GRID2: variants seen among roughly 807,000 people sequenced by gnomAD.
The protein encoded by GRID2 is glutamate receptor ionotropic, delta-2.
GRID2 carries 33 observed loss-of-function variants against 114.8 expected under a neutral mutation model. The observed-to-expected ratio is 0.29, with a 90% CI of 0.22 to 0.38. The LOEUF is 0.38. Among genes scored for constraint, GRID2 ranks in the 10% least tolerant of loss-of-function variants. The pLI is 1.00. For synonymous variants in GRID2, 505 were observed against 449.9 expected (o/e 1.12, Z -1.55); for missense variants, 1,184 against 1,257.7 (o/e 0.94, Z 0.89).
chr4:92,978,095 T>G (rs1373938654), intron 2 of GRID2, among the ~76,000 whole-genome samples: 1 of 152,110 alleles, frequency 6.6e-6, no homozygotes, highest in East Asian at 1.9e-4. Context: ...CCATAGGTAT[T>G]TTGTAATTAA....
chr4:93,373,113 A>T (rs904967833), intron 8 of GRID2, among the ~76,000 whole-genome samples: 2 of 152,084 alleles, frequency 1.3e-5, no homozygotes, highest in East Asian at 1.9e-4. Flanking sequence ...TACCTCCTTT[A>T]TTCAGTCTTA....
chr4:92,466,016 A>C (rs1446182041), intron 1 of GRID2, among the ~76,000 whole-genome samples: 1 of 151,774 alleles, frequency 6.6e-6, no homozygotes, highest in Non-Finnish European at 1.5e-5. Context: ...TTGACATATA[A>C]TAATTGCACA....
intron 2 of GRID2, among the ~76,000 whole-genome samples, chr4:92,966,299 A>C: frequency 6.6e-6 from 1 of 151,916 alleles, no homozygotes; most frequent in South Asian, 2.1e-4. Context: ...TGGTATGATA[A>C]TACTTGCCAG....
intron 4 of GRID2, among the ~76,000 whole-genome samples, chr4:93,139,695 T>G (rs1006656325): frequency 1.1e-4 from 16 of 151,790 alleles, no homozygotes; most frequent in African/African-American, 3.4e-4. Context: ...GCATCAAATA[T>G]TGTCTTTTAT....
At chr4:92,635,745 A>C (rs182547314) in intron 2 of GRID2, among the ~76,000 whole-genome samples, 2 of 152,222 alleles carry the variant, frequency 1.3e-5, no homozygotes, top group Admixed American at 1.3e-4. Context: ...ATTTTTAGTG[A>C]TTGAAAATGA....
rs148620067 is a variant in GRID2, at chr4:93,384,564, T to C, written c.1246-11043T>C. On this transcript the variant is annotated intron_variant, in intron 8 of 15. Coordinates refer to ENST00000282020, the MANE Select transcript of GRID2 (RefSeq NM_001510.4). ...TGTCATTTCAAAAACAATCACAAACTCTTGGAGGTTAAAGATGATGTTCTA... is the reference window on the plus strand; with the variant it reads ...TGTCATTTCAAAAACAATCACAAACCCTTGGAGGTTAAAGATGATGTTCTA... Among the ~76,000 whole-genome samples, 395 of 152,282 alleles carry C rather than the reference T, an allele frequency of 2.6e-3. 1 individual carries two copies. The highest frequency in any genetic ancestry group is 8.7e-3 in the African/African-American group (361 of 41,562).
intron 2 of GRID2, among the ~76,000 whole-genome samples, chr4:92,910,789 T>C (rs1434510033): frequency 6.6e-6 from 1 of 152,118 alleles, no homozygotes; most frequent in Non-Finnish European, 1.5e-5. Flanking sequence ...AAATCATCTC[T>C]AGCTCACTTA....
chr4:93,117,710 G>T (rs181101270), intron 4 of GRID2, among the ~76,000 whole-genome samples: 1 of 152,048 alleles, frequency 6.6e-6, no homozygotes, highest in East Asian at 1.9e-4. Context: ...CAAACATAGT[G>T]CTAAAGTGCT....
intron 2 of GRID2, among the ~76,000 whole-genome samples, chr4:92,642,721 A>T (rs1731418118): frequency 6.6e-6 from 1 of 151,810 alleles, no homozygotes; most frequent in Admixed American, 6.6e-5. Flanking sequence ...TTGGCCAAAA[A>T]TTCTTTGTCA....
intron 1 of GRID2, among the ~76,000 whole-genome samples, chr4:92,410,247 A>G (rs946994807): frequency 6.6e-6 from 1 of 152,158 alleles, no homozygotes; most frequent in Non-Finnish European, 1.5e-5. Context: ...ACATGTTTTC[A>G]TTAGGCTTCT....
intron 2 of GRID2, among the ~76,000 whole-genome samples, chr4:93,050,062 GT>G (rs1726542602): frequency 6.6e-6 from 1 of 151,996 alleles, no homozygotes; most frequent in African/African-American, 2.4e-5. Flanking sequence ...TTTTTAAGTT[GT>G]TTTATCTTAA....
chr4:93,794,387 C>T (rs527709324), intron 1 of GRID2, among the ~76,000 whole-genome samples: 1 of 152,302 alleles, frequency 6.6e-6, no homozygotes, highest in African/African-American at 2.4e-5. Context: ...TAATAACCCA[C>T]ACCTACAATA....
chr4:93,578,036 C>T (rs947948449), intron 13 of GRID2, among the ~76,000 whole-genome samples: 2 of 152,142 alleles, frequency 1.3e-5, no homozygotes, highest in Non-Finnish European at 2.9e-5. Context: ...GTGTGTGCAG[C>T]AGGTTTCATT....
intron 4 of GRID2, among the ~76,000 whole-genome samples, chr4:93,132,533 T>C (rs1734895916): frequency 6.6e-6 from 1 of 152,206 alleles, no homozygotes; most frequent in African/African-American, 2.4e-5. Context: ...TGGATGCTAA[T>C]TTCCAAATTT....
At chr4:92,838,627 T>C (rs187360799) in intron 2 of GRID2, among the ~76,000 whole-genome samples, 1 of 152,238 alleles carries the variant, frequency 6.6e-6, no homozygotes, top group East Asian at 1.9e-4. Context: ...ATTTCTATTA[T>C]CAAATGTAAC....
intron 1 of GRID2, among the ~76,000 whole-genome samples, chr4:92,344,394 T>G (rs928627473): frequency 1.3e-5 from 2 of 152,234 alleles, no homozygotes; most frequent in African/African-American, 4.8e-5. Flanking sequence ...GAGTTTTACA[T>G]GTATTGCATC....
At chr4:92,443,933 G>T (rs1182600464) in intron 1 of GRID2, among the ~76,000 whole-genome samples, 2 of 152,154 alleles carry the variant, frequency 1.3e-5, no homozygotes. Flanking sequence ...TATCTCCTTT[G>T]TCTCTCCCAG....
chr4:92,566,614 G>A (rs1426386574), intron 1 of GRID2, among the ~76,000 whole-genome samples: 1 of 152,022 alleles, frequency 6.6e-6, no homozygotes, highest in Middle Eastern at 3.4e-3. Context: ...TTTTTCTAGA[G>A]AATGAGTGAA....
chr4:93,645,324 A>G (rs1722010056), intron 14 of GRID2, among the ~76,000 whole-genome samples: 1 of 152,124 alleles, frequency 6.6e-6, no homozygotes, highest in Non-Finnish European at 1.5e-5. Context: ...TGGTCTAGGT[A>G]TGTTGAACTT....
Sources: allele counts gnomAD v4.1 joint callset (sites outside exome capture counted in the v4.1 genomes callset), GRCh38; gene constraint gnomAD v4.1.1; transcripts MANE v1.5; gene names NCBI Gene and HGNC (gene_info 2026-07-23, HGNC 2026-07-21).